The following CGNL1 variants were observed in gnomAD, a reference collection of about 807,000 sequenced individuals.
The protein encoded by CGNL1 is cingulin like 1.
A neutral mutation model predicts 141.2 loss-of-function variants in CGNL1; 132 were observed. That is an observed-to-expected ratio of 0.93 (90% confidence interval 0.81 to 1.08). The LOEUF (loss-of-function observed/expected upper bound fraction) is 1.08, where lower values mean the gene tolerates loss of function less well. Among genes scored for constraint, CGNL1 ranks in the 50% least tolerant of loss-of-function variants. CGNL1 has a pLI of 0.00. For synonymous variants in CGNL1, 690 were observed against 622.1 expected (o/e 1.11, Z -1.63); for missense variants, 1,870 against 1,588.6 (o/e 1.18, Z -3.01).
In CGNL1 at chr15:57,507,863, C is replaced by T. The variant is rs113191193; in HGVS notation, c.2404-8917C>T. ...GACTTCTTCAAGTTCATTCTAGAATCCCAGACTGTTAGAGCTGGCCAGGAC... is the reference window on the plus strand; with the variant it reads ...GACTTCTTCAAGTTCATTCTAGAATTCCAGACTGTTAGAGCTGGCCAGGAC... On this transcript the variant is annotated intron_variant, in intron 8 of 18. Transcript: ENST00000281282. 4.2e-3 allele frequency among the ~76,000 whole-genome samples: 635 copies of T among 152,318 alleles called. 2 individuals carry two copies. The highest frequency in any genetic ancestry group is 7.0e-3 in the Non-Finnish European group (473 of 68,030).
rs79758202 is a variant in CGNL1 at position 57,437,675 on chromosome 15, A to G, written c.-15-310A>G. On this transcript the variant is annotated intron_variant, in intron 1 of 18. Transcript: ENST00000281282. The stretch of plus-strand genomic sequence containing the variant: ...GGCAACCAGAACAGCCCAAAACAGA[A>G]TAACAAAGTCAGAATAATGAAGCTA... 2.0e-3 allele frequency among the ~76,000 whole-genome samples: 305 copies of G among 151,172 alleles called. 11 individuals are homozygous for G. In the East Asian group the frequency reaches 0.054, roughly 27 times the overall value.
At chr15:57,492,166 A>G (rs550018968) in intron 8 of CGNL1, among the ~76,000 whole-genome samples, 48 of 152,348 alleles carry the variant, frequency 3.2e-4, no homozygotes, top group Admixed American at 2.7e-3. Context: ...TTGATTTATC[A>G]ACTAAAGCCT....
chr15:57,450,426 G>A (rs562391163), intron 4 of CGNL1, among the ~76,000 whole-genome samples: 57 of 152,258 alleles, frequency 3.7e-4, no homozygotes, highest in African/African-American at 1.3e-3. Context: ...ACAGACGTGT[G>A]CCACTACGCC....
At chr15:57,452,636 A>G (rs1441120490) in intron 6 of CGNL1, among the ~76,000 whole-genome samples, 2 of 152,144 alleles carry the variant, frequency 1.3e-5, no homozygotes, top group Non-Finnish European at 2.9e-5. Flanking sequence ...TCTAAAAAGC[A>G]TGTGTTACGT....
chr15:57,382,320 A>T (rs964332170), intron 1 of CGNL1, among the ~76,000 whole-genome samples: 1 of 152,218 alleles, frequency 6.6e-6, no homozygotes, highest in Non-Finnish European at 1.5e-5. Flanking sequence ...TCCAAGGAAC[A>T]TTTCCAGGGA....
chr15:57,433,039 A>C (rs536080851), intron 1 of CGNL1, among the ~76,000 whole-genome samples: 4 of 150,674 alleles, frequency 2.7e-5, no homozygotes, highest in African/African-American at 1.0e-4. Context: ...CAGTGTCAGC[A>C]TAAGAACTGA....
intron 13 of CGNL1, among the ~76,000 whole-genome samples, chr15:57,529,561 C>A (rs1237149884): frequency 4.7e-3 from 50 of 10,632 alleles, no homozygotes; most frequent in African/African-American, 7.6e-3. Context: ...CCCCCAGAAA[C>A]ACACACACAC....
At chr15:57,384,575 C>T (rs1386671729) in intron 1 of CGNL1, among the ~76,000 whole-genome samples, 1 of 152,216 alleles carries the variant, frequency 6.6e-6, no homozygotes, top group East Asian at 1.9e-4. Context: ...CCACGTATTT[C>T]TTCAACAAAT....
intron 8 of CGNL1, among the ~76,000 whole-genome samples, chr15:57,502,752 T>C (rs1294327501): frequency 1.3e-5 from 2 of 152,226 alleles, no homozygotes; most frequent in East Asian, 3.8e-4. Flanking sequence ...AATGGCACTG[T>C]ACCTTGTTCA....
intron 13 of CGNL1, among the ~76,000 whole-genome samples, chr15:57,529,559 A>AACACACACAC (rs10593466): frequency 0.012 from 1,647 of 137,948 alleles, 18 homozygotes; most frequent in African/African-American, 0.02. Context: ...AACCCCCAGA[A>AACACACACAC]ACACACACAC....
At chr15:57,546,295 G>A (rs1397022004) in intron 18 of CGNL1, 56 bp downstream of exon 18, 1 of 1,494,858 alleles carries the variant, frequency 6.7e-7, no homozygotes, top group African/African-American at 1.4e-5. Context: ...GTTGAGACAG[G>A]CTCTGCTTTC....
At chr15:57,497,009 C>T (rs1054732711) in intron 8 of CGNL1, among the ~76,000 whole-genome samples, 1 of 152,162 alleles carries the variant, frequency 6.6e-6, no homozygotes, top group Non-Finnish European at 1.5e-5. Context: ...TGTGTGGAAG[C>T]AGCACTTCAG....
At chr15:57,404,470 A>T (rs547309016) in intron 1 of CGNL1, among the ~76,000 whole-genome samples, 12 of 152,354 alleles carry the variant, frequency 7.9e-5, no homozygotes, top group Admixed American at 7.2e-4. Flanking sequence ...TATGGTGATG[A>T]CATGTTGAAG....
rs1247093138 is a variant in CGNL1 at position 57,452,145 on chromosome 15, A to T, written c.1910A>T (p.Gln637Leu). 1 of 1,612,696 alleles carries T rather than the reference A, an allele frequency of 6.2e-7. No homozygotes were observed. Among genetic ancestry groups the T allele is most frequent in the Admixed American group, 1.7e-5 (1 of 59,734 alleles). Residue 637 changes from glutamine to leucine, a missense_variant, in exon 6 of 19, where the codon CAA (glutamine) becomes CTA (leucine). Coordinates refer to ENST00000281282, the MANE Select transcript of CGNL1 (RefSeq NM_032866.5). ...QRQLQLEVKN[Q>L]QNIKEERERM... ...AATCACACTGATTCCTGTTAGAATC[A>T]ACAGAACATTAAAGAAGAGAGAGAG...
chr15:57,510,172 C>A (rs1286195555), intron 8 of CGNL1, among the ~76,000 whole-genome samples: 1 of 152,142 alleles, frequency 6.6e-6, no homozygotes, highest in African/African-American at 2.4e-5. Context: ...TGAAGTCCTT[C>A]CCTTTTGGGA....
chr15:57,528,343 T>C (rs1264252351), intron 12 of CGNL1, among the ~76,000 whole-genome samples: 1 of 152,226 alleles, frequency 6.6e-6, no homozygotes, highest in Non-Finnish European at 1.5e-5. Context: ...CACAAAAGAT[T>C]TGCAAATCAA....
chr15:57,412,588 C>G (rs1488500292), intron 1 of CGNL1, among the ~76,000 whole-genome samples: 1 of 152,200 alleles, frequency 6.6e-6, no homozygotes, highest in Non-Finnish European at 1.5e-5. Context: ...CCTTCCTCCA[C>G]CTCATGGGGA....
intron 4 of CGNL1, among the ~76,000 whole-genome samples, chr15:57,450,486 A>G (rs1403343861): frequency 6.6e-6 from 1 of 152,230 alleles, no homozygotes; most frequent in Non-Finnish European, 1.5e-5. Flanking sequence ...CACGTTGGCC[A>G]GGCTGGTCTC....
rs539277059 is a variant in CGNL1, at chr15:57,431,837, T to A, written c.-15-6148T>A. On this transcript the variant is annotated intron_variant, in intron 1 of 18. Transcript: ENST00000281282. Reference sequence around the variant, plus strand: ...ATGTGGCCCAGGGAAGCCAAAAGATTGGCCACCCCGGATTTAGAGGTTTTA... The same window carrying A: ...ATGTGGCCCAGGGAAGCCAAAAGATAGGCCACCCCGGATTTAGAGGTTTTA... Among the ~76,000 whole-genome samples the A allele has an allele frequency of 2.2e-4, 33 of 152,328 alleles. No homozygotes were observed. The South Asian group carries it at 6.6e-3, about 31-fold the overall frequency.
Sources: gnomAD v4.1 joint callset for allele counts (sites outside exome capture counted in the v4.1 genomes callset) on GRCh38, gnomAD v4.1.1 for gene constraint, MANE v1.5 for transcripts, NCBI Gene and HGNC (gene_info 2026-07-23, HGNC 2026-07-21) for gene names.